GNAO1: variants seen among roughly 807,000 people sequenced by gnomAD.
GNAO1 encodes the protein guanine nucleotide-binding protein G(o) subunit alpha.
For missense variants in GNAO1, 166 were observed against 478.7 expected (o/e 0.35, Z 6.10); for synonymous variants, 164 against 180.7 (o/e 0.91, Z 0.74).
At chr16:56,225,257 T>G (rs547386181) in intron 2 of GNAO1, among the ~76,000 whole-genome samples, 1 of 152,336 alleles carries the variant, frequency 6.6e-6, no homozygotes, top group African/African-American at 2.4e-5. Flanking sequence ...AGGCAAGAAA[T>G]GCCAAGTGTC....
At chr16:56,269,195 TA>T (rs1325916486) in intron 2 of GNAO1, among the ~76,000 whole-genome samples, 6 of 152,138 alleles carry the variant, frequency 3.9e-5, no homozygotes, top group Admixed American at 6.5e-5. Flanking sequence ...GTTCATTTGG[TA>T]AATGGTAAAT....
At chr16:56,336,024 C>T (rs1482837125) in intron 5 of GNAO1, among the ~76,000 whole-genome samples, 1 of 152,202 alleles carries the variant, frequency 6.6e-6, no homozygotes, top group Non-Finnish European at 1.5e-5. Flanking sequence ...ATCTAGGAGG[C>T]TACAGGACTC....
chr16:56,236,640 G>A (rs1434249645), intron 2 of GNAO1, among the ~76,000 whole-genome samples: 2 of 152,154 alleles, frequency 1.3e-5, no homozygotes, highest in East Asian at 3.9e-4. Flanking sequence ...CTTTCCTAGA[G>A]TGACCTTTCC....
intron 2 of GNAO1, among the ~76,000 whole-genome samples, chr16:56,215,509 T>C (rs1442335141): frequency 6.6e-6 from 1 of 152,124 alleles, no homozygotes; most frequent in Non-Finnish European, 1.5e-5. Context: ...GCAACTAGGT[T>C]TGAGGATGAT....
rs940900684 is a variant in GNAO1, at chr16:56,354,441, C to T, written c.878-425C>T. Among the ~76,000 whole-genome samples, 3 of 152,036 alleles carry T rather than the reference C, an allele frequency of 2.0e-5. No individual in the cohort carries two copies. Among genetic ancestry groups the T allele is most frequent in the East Asian group, 1.9e-4 (1 of 5,188 alleles). ...CTGTAATCCCAGCACTTTGGGAGGCCGAGGCAGGTGGATCACCTGAGGTCA... is the reference window on the plus strand; with the variant it reads ...CTGTAATCCCAGCACTTTGGGAGGCTGAGGCAGGTGGATCACCTGAGGTCA... On this transcript the variant is annotated intron_variant, in intron 7 of 8. Coordinates refer to ENST00000262493, the MANE Select transcript of GNAO1 (RefSeq NM_020988.3). The surrounding 1 kb of genome is among the most constrained non-coding windows in gnomAD (Gnocchi z 4.3).
chr16:56,301,568 TTATG>T (rs1463053578), intron 3 of GNAO1: 1 of 152,256 alleles, frequency 6.6e-6, no homozygotes, highest in African/African-American at 2.4e-5. Context: ...TCCATTATTT[TTATG>T]TATGTGCATG....
intron 3 of GNAO1, among the ~76,000 whole-genome samples, chr16:56,285,572 G>T (rs1022401349): frequency 5.9e-5 from 9 of 152,312 alleles, no homozygotes; most frequent in Non-Finnish European, 1.2e-4. Context: ...GCAGAGAGGG[G>T]CCTGCCTGGC....
At chr16:56,345,327 G>T in intron 6 of GNAO1, 6 of 985,522 alleles carry the variant, frequency 6.1e-6, no homozygotes, top group Non-Finnish European at 7.2e-6. Flanking sequence ...CCCACTGACA[G>T]GCCTCTGCCT....
chr16:56,353,218 G>C (rs1165255472), intron 7 of GNAO1: 1 of 152,356 alleles, frequency 6.6e-6, no homozygotes, highest in Admixed American at 6.5e-5. Context: ...CAGCCACAAC[G>C]ATGGAGTCCA....
chr16:56,269,627 G>A (rs1443920795), intron 2 of GNAO1, among the ~76,000 whole-genome samples: 1 of 152,194 alleles, frequency 6.6e-6, no homozygotes, highest in Non-Finnish European at 1.5e-5. Flanking sequence ...CGCTTCCTGT[G>A]GATCATTAAA....
intron 3 of GNAO1, among the ~76,000 whole-genome samples, chr16:56,279,759 A>G (rs2037097484): frequency 6.6e-6 from 1 of 152,198 alleles, no homozygotes; most frequent in African/African-American, 2.4e-5. Flanking sequence ...AGCTCATGAA[A>G]GCCGCGAGCC....
At chr16:56,355,696 C>G (rs1420454428) in intron 8 of GNAO1, 1 of 152,266 alleles carries the variant, frequency 6.6e-6, no homozygotes, top group African/African-American at 2.4e-5. Context: ...GACCAATCCA[C>G]TGTCTCCTGA....
intron 3 of GNAO1, among the ~76,000 whole-genome samples, chr16:56,319,074 T>G (rs1461393117): frequency 6.6e-6 from 1 of 152,242 alleles, no homozygotes; most frequent in Non-Finnish European, 1.5e-5. Context: ...GGAAGAGGCC[T>G]TTTATTAAGC....
intron 2 of GNAO1, among the ~76,000 whole-genome samples, chr16:56,219,792 T>C (rs1489719911): frequency 6.6e-6 from 1 of 152,088 alleles, no homozygotes; most frequent in Non-Finnish European, 1.5e-5. Context: ...GCCTGCAAAA[T>C]AGCCCTTGAG....
chr16:56,193,183 C>G (rs1321628269), intron 2 of GNAO1: 2 of 153,406 alleles, frequency 1.3e-5, no homozygotes, highest in African/African-American at 4.8e-5. Context: ...GCTGTGGTTT[C>G]TACATCCCCT....
intron 3 of GNAO1, chr16:56,301,786 C>A (rs558278824): frequency 1.3e-5 from 2 of 152,126 alleles, no homozygotes; most frequent in Non-Finnish European, 2.9e-5. Flanking sequence ...TAGTGGCCAT[C>A]ATGTTGAATT....
chr16:56,354,831 A>C lies in GNAO1; in HGVS notation c.878-35A>C. The C allele has an allele frequency of 7.0e-7, 1 of 1,436,102 alleles. No homozygotes were observed. The highest frequency in any genetic ancestry group is 2.3e-5 in the East Asian group (1 of 43,946). 89.0% of individuals were successfully genotyped at this position (1,436,102 alleles called of 1,614,324 possible). ...GCCCTGTCCACCCACAGCGCTCATC[A>C]GGGCCTCTCCCCGTTCTTCTGTGTC... On this transcript the variant is annotated intron_variant, in intron 7 of 8. Coordinates refer to ENST00000262493, the MANE Select transcript of GNAO1 (RefSeq NM_020988.3). This position sits in a 1 kb window ranked among gnomAD's most constrained non-coding sequence, Gnocchi z 4.3.
intron 2 of GNAO1, among the ~76,000 whole-genome samples, chr16:56,196,466 A>G (rs1379556217): frequency 6.6e-6 from 1 of 152,200 alleles, no homozygotes; most frequent in Non-Finnish European, 1.5e-5. Flanking sequence ...AAATCCCATA[A>G]CAAGTTGTAA....
At chr16:56,205,894 A>G (rs559790162) in intron 2 of GNAO1, among the ~76,000 whole-genome samples, 27 of 152,296 alleles carry the variant, frequency 1.8e-4, no homozygotes, top group Non-Finnish European at 3.5e-4. Context: ...CATGAGGGGT[A>G]AAAAAGCAGA....
Sources: allele counts gnomAD v4.1 joint callset (sites outside exome capture counted in the v4.1 genomes callset), GRCh38; gene constraint gnomAD v4.1.1; non-coding constraint Gnocchi (gnomAD v3.1); transcripts MANE v1.5; gene names NCBI Gene and HGNC (gene_info 2026-07-23, HGNC 2026-07-21).